The following BARD1 variants were observed in gnomAD, a reference collection of about 807,000 sequenced individuals.
BARD1 encodes BRCA1-associated RING domain protein 1.
Under a neutral mutation model 77.0 loss-of-function variants are expected in BARD1, and 73 were observed. The observed-to-expected ratio is 0.95, with a 90% CI of 0.79 to 1.15. BARD1 has a LOEUF of 1.15. Among genes scored for constraint, BARD1 ranks in the 50% most tolerant of loss-of-function variants. BARD1 has a pLI of 0.00. For missense variants in BARD1, 993 were observed against 938.8 expected (o/e 1.06, Z -0.75); for synonymous variants, 384 against 338.0 (o/e 1.14, Z -1.49).
chr2:214,733,247 T>C (rs1344320665), intron 9 of BARD1, among the ~76,000 whole-genome samples: 1 of 152,224 alleles, frequency 6.6e-6, no homozygotes. Context: ...CCACAAGTGT[T>C]TTAAAATTCA....
intron 9 of BARD1, among the ~76,000 whole-genome samples, chr2:214,738,924 C>T (rs183727563): frequency 9.9e-4 from 151 of 152,046 alleles, no homozygotes; most frequent in Middle Eastern, 3.4e-3. Flanking sequence ...GCAGGAAGAC[C>T]GCTTGAAACA....
At chr2:214,747,517 T>C (rs1693183513) in intron 7 of BARD1, among the ~76,000 whole-genome samples, 1 of 151,478 alleles carries the variant, frequency 6.6e-6, no homozygotes, top group Non-Finnish European at 1.5e-5. Flanking sequence ...CATGGAATAC[T>C]ATGCAGCCAT....
intron 9 of BARD1, among the ~76,000 whole-genome samples, chr2:214,742,055 TC>T (rs1692860607): frequency 6.6e-6 from 1 of 152,176 alleles, no homozygotes; most frequent in Non-Finnish European, 1.5e-5. Flanking sequence ...TATGAAAGTT[TC>T]CTAATAGTTA....
At chr2:214,743,333 C>T (rs1206250646) in intron 9 of BARD1, among the ~76,000 whole-genome samples, 1 of 152,244 alleles carries the variant, frequency 6.6e-6, no homozygotes, top group East Asian at 1.9e-4. Flanking sequence ...AAGCACAAAG[C>T]CATAAAACCA....
chr2:214,730,270 A>G, intron 10 of BARD1, 141 bp downstream of exon 10: 4 of 722,926 alleles, frequency 5.5e-6, no homozygotes, highest in Non-Finnish European at 9.7e-6. Flanking sequence ...ATCATCTTTC[A>G]GAATCAAGTG....
chr2:214,748,572 CA>C (rs1322199359), intron 7 of BARD1, among the ~76,000 whole-genome samples: 1 of 151,516 alleles, frequency 6.6e-6, no homozygotes, highest in Non-Finnish European at 1.5e-5. Flanking sequence ...GAATCACAAA[CA>C]GAGAAGTCTC....
chr2:214,764,099 G>C (rs1694086903), intron 6 of BARD1, among the ~76,000 whole-genome samples: 1 of 152,178 alleles, frequency 6.6e-6, no homozygotes, highest in South Asian at 2.1e-4. Flanking sequence ...TGGGAAACTT[G>C]GTTTTAGACA....
chr2:214,759,188 G>A (rs1302739836), intron 6 of BARD1, among the ~76,000 whole-genome samples: 1 of 152,002 alleles, frequency 6.6e-6, no homozygotes, highest in Admixed American at 6.5e-5. Flanking sequence ...CAATTAATAG[G>A]TCCAATGGTC....
Position 214,733,904 on chromosome 2 carries a change from G to A in BARD1, c.1904-3396C>T, listed in dbSNP as rs568713434. Among the ~76,000 whole-genome samples, 31 of 152,134 alleles carry A rather than the reference G, an allele frequency of 2.0e-4. No homozygotes were observed. In the South Asian group the frequency reaches 5.6e-3, roughly 28 times the overall value. ...CGTAAACTTCTGTTACAAAGTCAGTGAAAGAAAAAAGGTTAATAGCTTATA... is the reference window on the plus strand; with the variant it reads ...CGTAAACTTCTGTTACAAAGTCAGTAAAAGAAAAAAGGTTAATAGCTTATA... On this transcript the variant is annotated intron_variant, in intron 9 of 10. Transcript: ENST00000260947.
At chr2:214,774,168 T>A (rs1276727934) in intron 4 of BARD1, among the ~76,000 whole-genome samples, 2 of 152,194 alleles carry the variant, frequency 1.3e-5, no homozygotes, top group African/African-American at 4.8e-5. Flanking sequence ...AGTTACTTTC[T>A]CCACTTAAGT....
intron 1 of BARD1, among the ~76,000 whole-genome samples, chr2:214,806,838 C>T (rs1696295144): frequency 7.1e-6 from 1 of 140,964 alleles, no homozygotes; most frequent in Non-Finnish European, 1.5e-5. Context: ...CATGCCACTG[C>T]ACTCCAGCTT....
rs148321330 is a variant in BARD1 at position 214,792,712 on chromosome 2, A to G, written c.216-267T>C. ...CCTACAAATAAATCTGTAGCTTCTA[A>G]AGGTTACAGAGATGTAACAGAAAGA... On this transcript the variant is annotated intron_variant, in intron 2 of 10. Coordinates refer to ENST00000260947, the MANE Select transcript of BARD1 (RefSeq NM_000465.4). Among the ~76,000 whole-genome samples the G allele has an allele frequency of 2.3e-3, 349 of 152,292 alleles. 1 individual carries two copies. Among genetic ancestry groups the G allele is most frequent in the Non-Finnish European group, 3.9e-3 (267 of 68,014 alleles).
rs555666918 is a variant in BARD1, at chr2:214,743,645, G to A, written c.1903+1422C>T. Among the ~76,000 whole-genome samples the A allele has an allele frequency of 7.2e-5, 11 of 151,922 alleles. No homozygotes were observed. In the South Asian group the frequency reaches 1.3e-3, roughly 17 times the overall value. On this transcript the variant is annotated intron_variant, in intron 9 of 10. Transcript: ENST00000260947. The stretch of plus-strand genomic sequence containing the variant: ...GTTGCCCAGGCTGGAGTGCAGTGGC[G>A]CCATCTCGGCTCACTGCAACCTCCA...
chr2:214,766,249 C>T (rs1171403051), intron 6 of BARD1, among the ~76,000 whole-genome samples: 1 of 152,070 alleles, frequency 6.6e-6, no homozygotes, highest in African/African-American at 2.4e-5. Flanking sequence ...CCTGACACTG[C>T]AAAAAGTTCA....
chr2:214,798,942 C>A (rs1048952339), intron 1 of BARD1, among the ~76,000 whole-genome samples: 28 of 151,876 alleles, frequency 1.8e-4, no homozygotes, highest in African/African-American at 1.7e-4. Context: ...CATGGTGAAA[C>A]CCTGTCTCTA....
In BARD1 at chr2:214,767,401, T is replaced by C. The variant is rs5031007; in HGVS notation, c.1568+81A>G. ...GTGAAGAAAGCCATCAACTTGACTA[T>C]TTTAAAGTCTGCTTTATCACACACC... On this transcript the variant is annotated intron_variant, in intron 6 of 10. Coordinates refer to ENST00000260947, the MANE Select transcript of BARD1 (RefSeq NM_000465.4). 133,681 of 671,558 alleles carry C rather than the reference T, an allele frequency of 0.2. 7,202 individuals are homozygous for C. The highest frequency in any genetic ancestry group is 0.32 in the African/African-American group (11,870 of 36,994). 41.6% of individuals were successfully genotyped at this position (671,558 alleles called of 1,614,324 possible). A position where few individuals can be genotyped will look rare whatever the true frequency, so the allele number is the denominator to read the frequency against.
In BARD1 at chr2:214,728,102, A is replaced by C. The variant is rs1392299361; in HGVS notation, c.*574T>G. The C allele has an allele frequency of 8.7e-6, 2 of 228,912 alleles. No individual in the cohort carries two copies. The highest frequency in any genetic ancestry group is 1.7e-5 in the Non-Finnish European group (2 of 115,442). 14.2% of individuals were successfully genotyped at this position (228,912 alleles called of 1,614,324 possible). On this transcript the variant is annotated 3_prime_UTR_variant, in exon 11 of 11. Coordinates refer to ENST00000260947, the MANE Select transcript of BARD1 (RefSeq NM_000465.4). Reference sequence around the variant, plus strand: ...ATTTCCTGATGATATACAAGATAAAAAACAGGGATGAAAGTGTAGAAACAC... The same window carrying C: ...ATTTCCTGATGATATACAAGATAAACAACAGGGATGAAAGTGTAGAAACAC...
At chr2:214,805,151 A>G (rs1243783181) in intron 1 of BARD1, among the ~76,000 whole-genome samples, 1 of 152,012 alleles carries the variant, frequency 6.6e-6, no homozygotes, top group Non-Finnish European at 1.5e-5. Flanking sequence ...ACAGAGGGAG[A>G]CTCCGTCTCA....
Position 214,781,412 on chromosome 2 carries a change from G to C in BARD1, c.462C>G (p.Val154=), listed in dbSNP as rs2106112308. The part of the protein sequence containing the change: ...KMWFSPRSKK[V]RYVVSKASVQ... ...CTGAAGCTTTACTCACAACATATCT[G>C]ACTTTCTTACTTCGAGGGCTAAACC... Residue 154 remains valine (V), a synonymous_variant, in exon 4 of 11, where the codon GTC becomes GTG. Transcript: ENST00000260947. The C allele has an allele frequency of 6.2e-7, 1 of 1,613,428 alleles. No individual in the cohort carries two copies. The highest frequency in any genetic ancestry group is 8.5e-7 in the Non-Finnish European group (1 of 1,179,876).
Sources: allele counts gnomAD v4.1 joint callset (sites outside exome capture counted in the v4.1 genomes callset), GRCh38; gene constraint gnomAD v4.1.1; transcripts MANE v1.5; gene names NCBI Gene and HGNC (gene_info 2026-07-23, HGNC 2026-07-21).